Variants in PSMD9 observed in about 807,000 individuals in gnomAD.
The protein encoded by PSMD9 is proteasome 26S subunit, non-ATPase 9, also known as 26S proteasome non-ATPase regulatory subunit 9.
PSMD9 carries 26 observed loss-of-function variants against 25.9 expected under a neutral mutation model. The ratio of observed to expected loss-of-function variants is 1.00; its 90% CI spans 0.73 to 1.39. The LOEUF is 1.39. Among genes scored for constraint, PSMD9 ranks in the 40% most tolerant of loss-of-function variants. The probability of loss-of-function intolerance (pLI) is 0.00; values close to 1 mark genes in which losing one functional copy is unlikely to be tolerated. For missense variants in PSMD9, 303 were observed against 299.3 expected (o/e 1.01, Z -0.09); for synonymous variants, 110 against 114.5 (o/e 0.96, Z 0.25).
rs71082909 is a variant in PSMD9 at position 121,904,639 on chromosome 12, T to TTTATTATTATTATTATTATTATTA, written c.555+1544_555+1567dup. Among the ~76,000 whole-genome samples, 531 of 138,936 alleles carry TTTATTATTATTATTATTATTATTA rather than the reference T, an allele frequency of 3.8e-3. 8 individuals carry two copies. The highest frequency in any genetic ancestry group is 8.3e-3 in the African/African-American group (300 of 36,342). 91.1% of individuals were successfully genotyped at this position (138,936 alleles called of 152,430 possible). A position where few individuals can be genotyped will look rare whatever the true frequency, so the allele number is the denominator to read the frequency against. ...TGTTTTTCCTTTAGTCCATCTGAAA[T>TTTATTATTATTATTATTATTATTA]TTATTATTATTATTATTATTATTAT... On this transcript the variant is annotated intron_variant, in intron 4 of 5. Coordinates refer to ENST00000541212, the MANE Select transcript of PSMD9 (RefSeq NM_002813.7).
Position 121,902,998 on chromosome 12 carries a change from C to T in PSMD9, c.454-8C>T. 1 of 1,612,552 alleles carries T rather than the reference C, an allele frequency of 6.2e-7. No individual in the cohort carries two copies. The highest frequency in any genetic ancestry group is 8.5e-7 in the Non-Finnish European group (1 of 1,178,684). ...AGCCTGATTTTCCATTTTTCCTTCCCTCTCCAGGGTCTGCAAGTGGATGAT... is the reference window on the plus strand; with the variant it reads ...AGCCTGATTTTCCATTTTTCCTTCCTTCTCCAGGGTCTGCAAGTGGATGAT... On this transcript the variant is annotated splice_polypyrimidine_tract_variant and splice_region_variant and intron_variant, in intron 3 of 5. Coordinates refer to ENST00000541212, the MANE Select transcript of PSMD9 (RefSeq NM_002813.7).
At chr12:121,894,535 G>A (rs1879176224) in intron 1 of PSMD9, 3 of 542,914 alleles carry the variant, frequency 5.5e-6, no homozygotes, top group South Asian at 4.5e-5. Context: ...TACTTGCGTC[G>A]TTAAAAATAA....
chr12:121,897,572 A>T (rs866906973), intron 2 of PSMD9: 28 of 134,596 alleles, frequency 2.1e-4, no homozygotes, highest in South Asian at 4.6e-4. Flanking sequence ...TTTTAGTAGT[A>T]TTTTTTTAGT....
intron 1 of PSMD9, 37 bp downstream of exon 1, chr12:121,889,031 C>G (rs531195654): frequency 8.2e-5 from 128 of 1,558,654 alleles, no homozygotes; most frequent in Non-Finnish European, 1.1e-4. Context: ...GTCGCCTAAC[C>G]CGGCCCGGAG....
chr12:121,892,434 C>T (rs1879111421), intron 1 of PSMD9, among the ~76,000 whole-genome samples: 3 of 152,194 alleles, frequency 2.0e-5, no homozygotes, highest in South Asian at 4.1e-4. Flanking sequence ...GGCATGGTGG[C>T]TCATGCCTGT....
At chr12:121,912,259 G>GGGA (rs946569429) in intron 4 of PSMD9, among the ~76,000 whole-genome samples, 4 of 151,554 alleles carry the variant, frequency 2.6e-5, no homozygotes, top group African/African-American at 9.7e-5. Context: ...TGAATTCCTG[G>GGGA]GCTCAAGCGA....
chr12:121,907,001 C>T (rs1200415827), intron 4 of PSMD9, among the ~76,000 whole-genome samples: 4 of 150,318 alleles, frequency 2.7e-5, no homozygotes, highest in African/African-American at 9.7e-5. Context: ...TCACAGTGTT[C>T]TATTGTGAGA....
chr12:121,907,366 G>A (rs1210314003), intron 4 of PSMD9, among the ~76,000 whole-genome samples: 5 of 151,454 alleles, frequency 3.3e-5, no homozygotes, highest in African/African-American at 1.2e-4. Flanking sequence ...CACTGTGCCC[G>A]GCCTTTCTTT....
At chr12:121,905,981 A>G (rs1879543131) in intron 4 of PSMD9, among the ~76,000 whole-genome samples, 2 of 151,982 alleles carry the variant, frequency 1.3e-5, no homozygotes, top group African/African-American at 4.8e-5. Context: ...GAGAAAAACC[A>G]CACAATATAT....
chr12:121,889,921 C>CTT (rs869153693), intron 1 of PSMD9, among the ~76,000 whole-genome samples: 4 of 148,118 alleles, frequency 2.7e-5, no homozygotes, highest in African/African-American at 7.4e-5. Context: ...GATGAAGTTT[C>CTT]TTTTTTTTTT....
Position 121,888,977 on chromosome 12 carries a change from T to C in PSMD9, c.121T>C (p.Tyr41His). ...GATAGAAGCGCAGATCAAGGCCAAC[T>C]ATGACGTGCTGGAAAGCGTGAGTGT... ...EEIEAQIKAN[Y>H]DVLESQKGIG... Residue 41 changes from tyrosine (Y) to histidine (H), a missense_variant, in exon 1 of 6, where the codon TAT becomes CAT. Transcript: ENST00000541212. 6.3e-7 allele frequency: 1 copy of C among 1,588,032 alleles called. No individual in the cohort carries two copies. Among genetic ancestry groups the C allele is most frequent in the Non-Finnish European group, 8.6e-7 (1 of 1,167,682 alleles).
At chr12:121,914,704 A>T (rs1390761356) in intron 4 of PSMD9, 1 of 149,394 alleles carries the variant, frequency 6.7e-6, no homozygotes, top group Non-Finnish European at 1.5e-5. Context: ...ATACAGAAAC[A>T]TTAGCTGAGC....
At chr12:121,894,890 T>C in intron 2 of PSMD9, 49 bp downstream of exon 2, 1 of 1,491,324 alleles carries the variant, frequency 6.7e-7, no homozygotes, top group Middle Eastern at 1.7e-4. Context: ...TGGGAAGGTG[T>C]TAAAGGCATA....
At chr12:121,892,544 C>G (rs1281460883) in intron 1 of PSMD9, among the ~76,000 whole-genome samples, 1 of 151,764 alleles carries the variant, frequency 6.6e-6, no homozygotes, top group African/African-American at 2.4e-5. Context: ...ACTAAAAATA[C>G]AAAAAAATTA....
chr12:121,913,877 T>G (rs1469688270), intron 4 of PSMD9, among the ~76,000 whole-genome samples: 2 of 151,776 alleles, frequency 1.3e-5, no homozygotes, highest in Admixed American at 1.3e-4. Flanking sequence ...AGTTTTAGAT[T>G]TTGATGGCAT....
intron 4 of PSMD9, among the ~76,000 whole-genome samples, chr12:121,909,434 C>T (rs1879653612): frequency 1.3e-5 from 2 of 151,934 alleles, no homozygotes; most frequent in African/African-American, 4.8e-5. Flanking sequence ...CTGCCTTGGC[C>T]TCCCAGGTAG....
rs1174398768 is a variant in PSMD9 at position 121,916,303 on chromosome 12, CA to C, written c.667del (p.Arg223AspfsTer21). ...GLLGCNIIPL[Q>X]R ...TTCCAGCTGCAACATTATTCCTCTGCAAAGATGATTGTCCCTGGGGAACAGT... is the reference window on the plus strand; with the variant it reads ...TTCCAGCTGCAACATTATTCCTCTGCAAGATGATTGTCCCTGGGGAACAGT... On this transcript the variant is annotated frameshift_variant, in exon 6 of 6. Coordinates refer to ENST00000541212, the MANE Select transcript of PSMD9 (RefSeq NM_002813.7). LOFTEE classifies it high-confidence loss of function. 3.7e-6 allele frequency: 6 copies of C among 1,614,012 alleles called. No individual in the cohort carries two copies. The highest frequency in any genetic ancestry group is 5.1e-6 in the Non-Finnish European group (6 of 1,179,994).
chr12:121,910,415 A>G (rs193099967), intron 4 of PSMD9, among the ~76,000 whole-genome samples: 2 of 151,872 alleles, frequency 1.3e-5, no homozygotes, highest in Admixed American at 6.6e-5. Context: ...TAGAGATTCC[A>G]TTGATAGACC....
chr12:121,917,240 GC>G lies in PSMD9; in HGVS notation c.*931del, dbSNP rs36114040. On this transcript the variant is annotated 3_prime_UTR_variant, in exon 6 of 6. Coordinates refer to ENST00000541212, the MANE Select transcript of PSMD9 (RefSeq NM_002813.7). ...GGGCTCAAGCAGTCCTCCTGCCTTG[GC>G]CTCCTAAAGTGCTGGGATCACAGGC... 0.35 allele frequency: 38,015 copies of G among 107,634 alleles called. 5,974 individuals are homozygous for G. Among genetic ancestry groups the G allele is most frequent in the East Asian group, 0.55 (2,594 of 4,754 alleles). The allele number at this position is 107,634 out of a possible 1,614,324, so 6.7% of individuals were successfully genotyped here. A position where few individuals can be genotyped will look rare whatever the true frequency, so the allele number is the denominator to read the frequency against.
Sources: allele counts gnomAD v4.1 joint callset (sites outside exome capture counted in the v4.1 genomes callset), GRCh38; gene constraint gnomAD v4.1.1; transcripts MANE v1.5; gene names NCBI Gene and HGNC (gene_info 2026-07-23, HGNC 2026-07-21).